Variants in ANO10 observed in about 807,000 individuals in gnomAD.
ANO10 encodes anoctamin-10.
In ANO10, 77 loss-of-function variants were observed where a neutral mutation model predicts 74.7. The observed-to-expected ratio is 1.03, with a 90% CI of 0.86 to 1.25. The LOEUF (loss-of-function observed/expected upper bound fraction) is 1.25, where lower values mean the gene tolerates loss of function less well. ANO10 is among the 50% of genes most tolerant of loss of function. The pLI is 0.00. For synonymous variants in ANO10, 279 were observed against 284.9 expected (o/e 0.98, Z 0.21); for missense variants, 721 against 778.1 (o/e 0.93, Z 0.87).
intron 12 of ANO10, among the ~76,000 whole-genome samples, chr3:43,380,974 G>A (rs2091944430): frequency 6.6e-6 from 1 of 152,218 alleles, no homozygotes; most frequent in South Asian, 2.1e-4. Context: ...CATGGCGGAA[G>A]GGGAAGCAAA....
At chr3:43,425,636 A>G (rs1019677240) in intron 12 of ANO10, among the ~76,000 whole-genome samples, 4 of 152,152 alleles carry the variant, frequency 2.6e-5, no homozygotes, top group African/African-American at 9.7e-5. Flanking sequence ...ACCAGCATTA[A>G]CATTAAAATA....
At chr3:43,688,567 G>A (rs2084305181) in intron 1 of ANO10, among the ~76,000 whole-genome samples, 1 of 152,198 alleles carries the variant, frequency 6.6e-6, no homozygotes, top group African/African-American at 2.4e-5. Flanking sequence ...ATACAGCTGG[G>A]CGCGGTGGCT....
intron 11 of ANO10, among the ~76,000 whole-genome samples, chr3:43,460,618 C>G (rs927368081): frequency 6.6e-6 from 1 of 152,208 alleles, no homozygotes; most frequent in Non-Finnish European, 1.5e-5. Context: ...AGCCATGCTA[C>G]TGGCTAATTC....
chr3:43,454,343 T>C (rs1322951849), intron 11 of ANO10, among the ~76,000 whole-genome samples: 2 of 152,194 alleles, frequency 1.3e-5, no homozygotes, highest in Admixed American at 1.3e-4. Flanking sequence ...TTAAATCAGA[T>C]GGGAACCTGC....
chr3:43,433,686 G>A (rs770233052), intron 11 of ANO10, among the ~76,000 whole-genome samples: 3 of 152,146 alleles, frequency 2.0e-5, no homozygotes, highest in Non-Finnish European at 1.5e-5. Context: ...GATATGAGAT[G>A]TATAATTAAG....
chr3:43,646,245 T>A (rs1390775980), intron 1 of ANO10, among the ~76,000 whole-genome samples: 1 of 152,218 alleles, frequency 6.6e-6, no homozygotes, highest in African/African-American at 2.4e-5. Context: ...TCTGATACAA[T>A]GTGAAAACAA....
At chr3:43,580,020 C>T (rs1255170581) in intron 5 of ANO10, among the ~76,000 whole-genome samples, 1 of 151,344 alleles carries the variant, frequency 6.6e-6, no homozygotes, top group African/African-American at 2.4e-5. Flanking sequence ...TGGTGCACGC[C>T]TGTGATCTCA....
intron 11 of ANO10, among the ~76,000 whole-genome samples, chr3:43,546,259 G>A (rs1437241471): frequency 6.6e-6 from 1 of 152,170 alleles, no homozygotes; most frequent in African/African-American, 2.4e-5. Flanking sequence ...ATAGCTTACT[G>A]CAAGCACATT....
At chr3:43,637,127 A>T (rs2083619440) in intron 1 of ANO10, among the ~76,000 whole-genome samples, 1 of 152,122 alleles carries the variant, frequency 6.6e-6, no homozygotes, top group African/African-American at 2.4e-5. Flanking sequence ...CTGTGTTTGC[A>T]CCACTGCACT....
At position 43,422,025 on chromosome 3, in the gene ANO10, G is replaced by A. The variant is rs114992454; in HGVS notation, c.1914+10586C>T. Among the ~76,000 whole-genome samples the A allele has an allele frequency of 2.2e-3, 338 of 152,286 alleles. 1 individual carries two copies. The highest frequency in any genetic ancestry group is 6.8e-3 in the Middle Eastern group (2 of 294). On this transcript the variant is annotated intron_variant, in intron 12 of 12. Coordinates refer to ENST00000292246, the MANE Select transcript of ANO10 (RefSeq NM_018075.5). ...CAAAAGAAGAGCTGCTCTCCCATAT[G>A]TTGACCATCATGGCAATGCAATTAT...
At chr3:43,386,640 G>GTGTGTGT (rs2092124720) in intron 12 of ANO10, among the ~76,000 whole-genome samples, 1 of 132,438 alleles carries the variant, frequency 7.6e-6, no homozygotes, top group South Asian at 2.5e-4. Context: ...GTTGTGTGTA[G>GTGTGTGT]GTGTGTACGT....
intron 1 of ANO10, among the ~76,000 whole-genome samples, chr3:43,631,899 A>G (rs1303037693): frequency 6.6e-6 from 1 of 152,038 alleles, no homozygotes; most frequent in East Asian, 1.9e-4. Context: ...ACTGGCCAAC[A>G]TGGTGAAACC....
intron 11 of ANO10, among the ~76,000 whole-genome samples, chr3:43,511,743 G>C (rs2077515719): frequency 6.6e-6 from 1 of 152,184 alleles, no homozygotes; most frequent in East Asian, 1.9e-4. Context: ...TCTCAAGAGA[G>C]AAAATGCTTG....
At position 43,561,385 on chromosome 3, in the gene ANO10, T is replaced by C. The variant is rs930341320; in HGVS notation, c.1311A>G (p.Leu437=). 3 of 1,613,936 alleles carry C rather than the reference T, an allele frequency of 1.9e-6. No homozygotes were observed. The highest frequency in any genetic ancestry group is 1.6e-4 in the Middle Eastern group (1 of 6,084). Residue 437 remains leucine, a synonymous_variant, in exon 9 of 13, where the codon CTA becomes CTG. Transcript: ENST00000292246. The part of the protein sequence containing the change: ...KLLRQSLATL[L]ITSQILNQIM... ...TTTGGTTGAGGATCTGGGAGGTAAT[T>C]AGGAGAGTGGCCAAGCTCTAAAGAG...
At chr3:43,484,851 G>A (rs1483099987) in intron 11 of ANO10, 3 of 558,476 alleles carry the variant, frequency 5.4e-6, no homozygotes, top group Non-Finnish European at 6.3e-6. Context: ...CATGGAGGCG[G>A]GGCTGTGTTC....
intron 11 of ANO10, among the ~76,000 whole-genome samples, chr3:43,450,698 T>A (rs966453671): frequency 3.8e-4 from 58 of 152,312 alleles, no homozygotes; most frequent in African/African-American, 1.4e-3. Context: ...GATTCCTGAA[T>A]ATGATATTCA....
chr3:43,432,432 A>G (rs1246213567), intron 12 of ANO10, among the ~76,000 whole-genome samples, 179 bp downstream of exon 12: 1 of 152,090 alleles, frequency 6.6e-6, no homozygotes, highest in African/African-American at 2.4e-5. Flanking sequence ...ATTTAAACCT[A>G]TTTGTTGCTC....
intron 1 of ANO10, among the ~76,000 whole-genome samples, chr3:43,652,716 T>C (rs996209125): frequency 3.9e-5 from 6 of 152,076 alleles, no homozygotes; most frequent in Non-Finnish European, 8.8e-5. Flanking sequence ...TAGTTGAATA[T>C]TTACATAACT....
rs1029560370 is a variant in ANO10, at chr3:43,526,019, G to A, written c.1797+23701C>T. Among the ~76,000 whole-genome samples, 4 of 152,086 alleles carry A rather than the reference G, an allele frequency of 2.6e-5. No homozygotes were observed. The East Asian group carries it at 7.7e-4, about 29-fold the overall frequency. On this transcript the variant is annotated intron_variant, in intron 11 of 12. Transcript: ENST00000292246. ...AAATGACAACATTTAATATATTCTA[G>A]CATATTCACATAATATACTTAGAAA...
Sources: gnomAD v4.1 joint callset for allele counts (sites outside exome capture counted in the v4.1 genomes callset) on GRCh38, gnomAD v4.1.1 for gene constraint, MANE v1.5 for transcripts, NCBI Gene and HGNC (gene_info 2026-07-23, HGNC 2026-07-21) for gene names.